The following SBSPON variants were observed in gnomAD, a reference collection of about 807,000 sequenced individuals.
SBSPON encodes somatomedin-B and thrombospondin type-1 domain-containing protein.
A neutral mutation model predicts 35.8 loss-of-function variants in SBSPON; 30 were observed. The observed-to-expected ratio is 0.84, with a 90% CI of 0.63 to 1.14. The LOEUF (loss-of-function observed/expected upper bound fraction) is 1.14. SBSPON is among the 50% of genes most tolerant of loss of function. The pLI is 0.00. For synonymous variants in SBSPON, 136 were observed against 135.9 expected (o/e 1.00, Z 0.00); for missense variants, 364 against 357.7 (o/e 1.02, Z -0.14).
intron 1 of SBSPON, among the ~76,000 whole-genome samples, chr8:73,092,288 T>C (rs940772932): frequency 6.6e-6 from 1 of 152,218 alleles, no homozygotes; most frequent in Non-Finnish European, 1.5e-5. Context: ...GAGGCTGTTC[T>C]ACATTTTGGG....
intron 3 of SBSPON, among the ~76,000 whole-genome samples, chr8:73,070,429 G>T (rs1302222499): frequency 1.3e-5 from 2 of 152,130 alleles, no homozygotes; most frequent in Non-Finnish European, 2.9e-5. Flanking sequence ...TAACACCTAG[G>T]TCAGCACCTC....
intron 2 of SBSPON, 108 bp from the exon 3 acceptor site, chr8:73,071,978 G>A (rs1810501944): frequency 2.9e-6 from 2 of 696,690 alleles, no homozygotes; most frequent in African/African-American, 1.8e-5. Flanking sequence ...TAAACTCACA[G>A]GGCTACGGCA....
At chr8:73,070,542 A>G (rs1190308915) in intron 3 of SBSPON, among the ~76,000 whole-genome samples, 2 of 152,164 alleles carry the variant, frequency 1.3e-5, no homozygotes, top group African/African-American at 4.8e-5. Context: ...CTTGAAGTCA[A>G]TTATCACAGT....
rs749156686 is a variant in SBSPON, at chr8:73,071,868, G to T, written c.412C>A (p.Pro138Thr). The T allele has an allele frequency of 1.2e-6, 2 of 1,600,740 alleles. No homozygotes were observed. Among genetic ancestry groups the T allele is most frequent in the Admixed American group, 1.7e-5 (1 of 59,990 alleles). Reference protein sequence around the residue: ...QGQDCGHTYVPAFITTSAFNK... With the variant: ...QGQDCGHTYVTAFITTSAFNK... ...AATGCAGAGGTAGTTATAAAGGCAG[G>T]AACTGGAAAAGGGAGATTTCTGTTG... Residue 138 changes from proline (P) to threonine (T), a missense_variant and splice_region_variant, in exon 3 of 5, where the codon CCT becomes ACT. Pro to Thr is a conservative substitution (Grantham distance 38, BLOSUM62 -1). Coordinates refer to ENST00000297354, the MANE Select transcript of SBSPON (RefSeq NM_153225.4).
intron 1 of SBSPON, among the ~76,000 whole-genome samples, chr8:73,086,458 G>A (rs954460205): frequency 5.3e-5 from 8 of 152,012 alleles, no homozygotes; most frequent in African/African-American, 1.7e-4. Context: ...CACCGTGCCC[G>A]GCCATCATCT....
chr8:73,083,538 C>T (rs927963310), intron 1 of SBSPON, among the ~76,000 whole-genome samples: 1 of 152,218 alleles, frequency 6.6e-6, no homozygotes, highest in Non-Finnish European at 1.5e-5. Flanking sequence ...AAGGGAAGTA[C>T]GGAAACCTCT....
chr8:73,069,798 T>A lies in SBSPON; in HGVS notation c.677+7A>T. ...AGAAAAGTACTTCAGTTAATTTCCA[T>A]TCTTACCCATCGGAGTCCAGGCCAT... On this transcript the variant is annotated splice_region_variant and intron_variant, in intron 4 of 4. Coordinates refer to ENST00000297354, the MANE Select transcript of SBSPON (RefSeq NM_153225.4). The A allele has an allele frequency of 6.2e-7, 1 of 1,611,800 alleles. No individual in the cohort carries two copies. The highest frequency in any genetic ancestry group is 8.5e-7 in the Non-Finnish European group (1 of 1,177,826).
At chr8:73,077,450 C>T (rs1052448824) in intron 2 of SBSPON, among the ~76,000 whole-genome samples, 1 of 152,210 alleles carries the variant, frequency 6.6e-6, no homozygotes, top group South Asian at 2.1e-4. Context: ...AGGATGAGAG[C>T]CTCCAGGTTG....
chr8:73,069,991 A>G lies in SBSPON; in HGVS notation c.501-10T>C. ...AAACTCCATACAGTATCTACAGCAA[A>G]AGAAGTAACAATGACACTTGCTGTA... On this transcript the variant is annotated splice_polypyrimidine_tract_variant and intron_variant, in intron 3 of 4. Coordinates refer to ENST00000297354, the MANE Select transcript of SBSPON (RefSeq NM_153225.4). 1 of 1,524,012 alleles carries G rather than the reference A, an allele frequency of 6.6e-7. No individual in the cohort carries two copies. Among genetic ancestry groups the G allele is most frequent in the Non-Finnish European group, 8.9e-7 (1 of 1,126,646 alleles). The allele number at this position is 1,524,012 out of a possible 1,614,324, so 94.4% of individuals were successfully genotyped here.
intron 4 of SBSPON, 85 bp downstream of exon 4, chr8:73,069,720 T>C: frequency 8.9e-7 from 1 of 1,123,696 alleles, no homozygotes; most frequent in Non-Finnish European, 1.3e-6. Flanking sequence ...ATATGTTACA[T>C]ACTGGTCAGC....
At chr8:73,090,424 G>C (rs763052740) in intron 1 of SBSPON, among the ~76,000 whole-genome samples, 3 of 152,248 alleles carry the variant, frequency 2.0e-5, no homozygotes, top group African/African-American at 4.8e-5. Flanking sequence ...CCAGCTGCCA[G>C]GTCAGCTCTG....
intron 1 of SBSPON, among the ~76,000 whole-genome samples, chr8:73,086,510 C>G (rs1810829099): frequency 6.6e-6 from 1 of 152,128 alleles, no homozygotes; most frequent in Non-Finnish European, 1.5e-5. Flanking sequence ...TCCGTAGAAC[C>G]TTGTCAAAGC....
chr8:73,091,844 C>G (rs1206404227), intron 1 of SBSPON, among the ~76,000 whole-genome samples: 1 of 152,166 alleles, frequency 6.6e-6, no homozygotes, highest in African/African-American at 2.4e-5. Context: ...AGCACAGAGG[C>G]AGGAGGGTGC....
chr8:73,078,909 AGCCCAG>A (rs1810644190), intron 2 of SBSPON, among the ~76,000 whole-genome samples: 1 of 152,002 alleles, frequency 6.6e-6, no homozygotes, highest in South Asian at 2.1e-4. Flanking sequence ...CTTAAGATAA[AGCCCAG>A]AATCCCAAAT....
At chr8:73,090,617 C>T (rs896467907) in intron 1 of SBSPON, among the ~76,000 whole-genome samples, 2 of 152,254 alleles carry the variant, frequency 1.3e-5, no homozygotes, top group South Asian at 2.1e-4. Context: ...CTCCTCCCTT[C>T]GCAAGAAACT....
chr8:73,084,115 C>A (rs1426045303), intron 1 of SBSPON, among the ~76,000 whole-genome samples: 1 of 152,178 alleles, frequency 6.6e-6, no homozygotes, highest in Non-Finnish European at 1.5e-5. Flanking sequence ...TGGGGGGCAC[C>A]CCTGGCTTTC....
chr8:73,077,563 A>C (rs2130009569), intron 2 of SBSPON, among the ~76,000 whole-genome samples: 2 of 152,368 alleles, frequency 1.3e-5, no homozygotes, highest in Middle Eastern at 6.8e-3. Flanking sequence ...TTGTTAATCA[A>C]GTTTGGATCT....
chr8:73,073,211 C>T (rs1810530229), intron 2 of SBSPON, among the ~76,000 whole-genome samples: 3 of 152,160 alleles, frequency 2.0e-5, no homozygotes, highest in Non-Finnish European at 2.9e-5. Context: ...ACACACAGGC[C>T]CTACTTCCCT....
chr8:73,093,023 C>A lies in SBSPON; in HGVS notation c.45G>T (p.Trp15Cys), dbSNP rs531969544. The change falls in exon 1 of 5, where the codon TGG (tryptophan) becomes TGT (cysteine). Residue 15 changes from tryptophan to cysteine, a missense_variant. Transcript: ENST00000297354. ...CGGCGCAGCCGGCCTGGGCCCCGGG[C>A]CACAGCCGCGACAGCGCGCACAGCG... Reference protein sequence around the residue: ...WMALCALSRLWPGAQAGCAEA... With the variant: ...WMALCALSRLCPGAQAGCAEA... The A allele has an allele frequency of 2.1e-6, 3 of 1,402,382 alleles. No homozygotes were observed. The South Asian group carries it at 5.0e-5, about 23-fold the overall frequency. 86.9% of individuals were successfully genotyped at this position (1,402,382 alleles called of 1,614,324 possible). A position where few individuals can be genotyped will look rare whatever the true frequency, so the allele number is the denominator to read the frequency against.
Sources: gnomAD v4.1 joint callset for allele counts (sites outside exome capture counted in the v4.1 genomes callset) on GRCh38, gnomAD v4.1.1 for gene constraint, MANE v1.5 for transcripts, NCBI Gene and HGNC (gene_info 2026-07-23, HGNC 2026-07-21) for gene names.